The following BCKDHB variants were observed in gnomAD, a reference collection of about 807,000 sequenced individuals.
BCKDHB encodes 2-oxoisovalerate dehydrogenase subunit beta, mitochondrial.
A neutral mutation model predicts 48.5 loss-of-function variants in BCKDHB; 41 were observed. The ratio of observed to expected loss-of-function variants is 0.85; its 90% CI spans 0.66 to 1.10. The LOEUF (loss-of-function observed/expected upper bound fraction) is 1.10, where lower values mean the gene tolerates loss of function less well. BCKDHB is among the 50% of genes least tolerant of loss of function. The pLI is 0.00. For missense variants in BCKDHB, 496 were observed against 494.2 expected (o/e 1.00, Z -0.03); for synonymous variants, 201 against 174.8 (o/e 1.15, Z -1.18).
intron 9 of BCKDHB, among the ~76,000 whole-genome samples, chr6:80,332,716 A>AAAG (rs1554214665): frequency 6.6e-6 from 1 of 151,370 alleles, no homozygotes; most frequent in Non-Finnish European, 1.5e-5. Context: ...TAAAAAAAAA[A>AAAG]AAAAAACACC....
intron 8 of BCKDHB, among the ~76,000 whole-genome samples, chr6:80,231,960 G>C (rs1775945127): frequency 6.6e-6 from 1 of 152,222 alleles, no homozygotes; most frequent in Admixed American, 6.5e-5. Context: ...GCGAGAGTCT[G>C]TCTGGAAATC....
chr6:80,308,597 C>CTTT (rs34359456), intron 9 of BCKDHB, among the ~76,000 whole-genome samples: 4 of 138,626 alleles, frequency 2.9e-5, no homozygotes, highest in South Asian at 2.3e-4. Context: ...TCTTCTTCTT[C>CTTT]TTTTTTTTTT....
chr6:80,179,765 G>T (rs1773326115), intron 6 of BCKDHB, among the ~76,000 whole-genome samples: 1 of 152,152 alleles, frequency 6.6e-6, no homozygotes, highest in Non-Finnish European at 1.5e-5. Flanking sequence ...AAAACTACAT[G>T]TCACAGTCTG....
chr6:80,127,597 A>C lies in BCKDHB; in HGVS notation c.247A>C (p.Asn83His), dbSNP rs750592798. 6 of 1,613,386 alleles carry C rather than the reference A, an allele frequency of 3.7e-6. No homozygotes were observed. The South Asian group carries it at 6.6e-5, about 18-fold the overall frequency. ...LFQSVTSALD[N>H]SLAKDPTAVI... ...CCAGTCTGTAACAAGTGCCTTGGAT[A>C]ACTCATTGGCCAAAGATCCTACTGC... The change falls in exon 2 of 10, where the codon AAC becomes CAC. Residue 83 changes from asparagine to histidine, a missense_variant. Asn to His is a moderately conservative substitution (Grantham distance 68, BLOSUM62 1). Coordinates refer to ENST00000320393, the MANE Select transcript of BCKDHB (RefSeq NM_183050.4).
chr6:80,330,697 G>C (rs978049856), intron 9 of BCKDHB, among the ~76,000 whole-genome samples: 1 of 139,532 alleles, frequency 7.2e-6, no homozygotes, highest in Non-Finnish European at 1.6e-5. Flanking sequence ...TAGATATCTA[G>C]AAACAACTAC....
intron 8 of BCKDHB, among the ~76,000 whole-genome samples, chr6:80,222,783 T>A (rs1775518567): frequency 6.6e-6 from 1 of 152,220 alleles, no homozygotes; most frequent in South Asian, 2.1e-4. Flanking sequence ...GTGAAGTAGG[T>A]AGAAGACTTC....
chr6:80,154,418 T>G (rs2127758113), intron 3 of BCKDHB, among the ~76,000 whole-genome samples: 1 of 152,246 alleles, frequency 6.6e-6, no homozygotes, highest in African/African-American at 2.4e-5. Context: ...CTAATAAGAT[T>G]AGGAAGGTAT....
chr6:80,194,488 A>AAG (rs1189020932), intron 6 of BCKDHB, among the ~76,000 whole-genome samples: 18 of 152,080 alleles, frequency 1.2e-4, no homozygotes, highest in Non-Finnish European at 5.9e-5. Flanking sequence ...GAGTCTATTT[A>AAG]TCGTTCTTTC....
intron 8 of BCKDHB, among the ~76,000 whole-genome samples, chr6:80,249,791 T>C (rs1333671901): frequency 1.3e-5 from 2 of 152,174 alleles, no homozygotes; most frequent in Non-Finnish European, 2.9e-5. Flanking sequence ...AGCAAAAGAA[T>C]ATAAAAGTAA....
At chr6:80,225,245 A>G (rs1045437903) in intron 8 of BCKDHB, among the ~76,000 whole-genome samples, 5 of 152,160 alleles carry the variant, frequency 3.3e-5, no homozygotes, top group African/African-American at 1.2e-4. Context: ...GGTCCTTTAG[A>G]TATGGCTTGA....
intron 1 of BCKDHB, among the ~76,000 whole-genome samples, chr6:80,107,558 C>CATATATATATATGCAT (rs71727964): frequency 1.5e-5 from 2 of 137,288 alleles, no homozygotes; most frequent in African/African-American, 5.9e-5. Flanking sequence ...CATATATATG[C>CATATATATATATGCAT]ATATATATAT....
chr6:80,258,203 C>T (rs1777139737), intron 8 of BCKDHB, among the ~76,000 whole-genome samples: 1 of 152,102 alleles, frequency 6.6e-6, no homozygotes, highest in South Asian at 2.1e-4. Flanking sequence ...CAGTGATTGA[C>T]AAGGCACTGT....
At chr6:80,111,867 T>C (rs1354146220) in intron 1 of BCKDHB, among the ~76,000 whole-genome samples, 1 of 152,170 alleles carries the variant, frequency 6.6e-6, no homozygotes, top group African/African-American at 2.4e-5. Context: ...CCCGGGGGGC[T>C]ACAGTGTTAC....
At chr6:80,305,972 G>T (rs1767853642) in intron 9 of BCKDHB, among the ~76,000 whole-genome samples, 1 of 152,138 alleles carries the variant, frequency 6.6e-6, no homozygotes, top group South Asian at 2.1e-4. Flanking sequence ...CTTCTTATTT[G>T]CTGGGTGGTT....
intron 1 of BCKDHB, among the ~76,000 whole-genome samples, chr6:80,116,011 TG>T (rs1769683791): frequency 6.6e-6 from 1 of 152,250 alleles, no homozygotes; most frequent in Non-Finnish European, 1.5e-5. Flanking sequence ...CTTCACTTTC[TG>T]CAAGTAGTCC....
chr6:80,288,590 C>T (rs1330005804), intron 9 of BCKDHB, among the ~76,000 whole-genome samples: 1 of 151,978 alleles, frequency 6.6e-6, no homozygotes, highest in Admixed American at 6.6e-5. Flanking sequence ...CCTAAAGAAA[C>T]TGGAATAATG....
chr6:80,147,874 A>T (rs1341870756), intron 3 of BCKDHB, among the ~76,000 whole-genome samples: 1 of 152,104 alleles, frequency 6.6e-6, no homozygotes. Context: ...ATGAGGCATC[A>T]GTCAGGGAGA....
chr6:80,172,081 T>G (rs1263451642), intron 6 of BCKDHB, among the ~76,000 whole-genome samples: 1 of 152,156 alleles, frequency 6.6e-6, no homozygotes, highest in Non-Finnish European at 1.5e-5. Context: ...TAGGTGTACA[T>G]GTGTTTGGGC....
chr6:80,220,897 G>A (rs1454344373), intron 8 of BCKDHB, among the ~76,000 whole-genome samples: 5 of 151,694 alleles, frequency 3.3e-5, no homozygotes, highest in African/African-American at 1.2e-4. Flanking sequence ...ACCATGCCTG[G>A]CTACTTTTTG....
Sources: allele counts gnomAD v4.1 joint callset (sites outside exome capture counted in the v4.1 genomes callset), GRCh38; gene constraint gnomAD v4.1.1; transcripts MANE v1.5; gene names NCBI Gene and HGNC (gene_info 2026-07-23, HGNC 2026-07-21).